SGCD: variants seen among roughly 807,000 people sequenced by gnomAD.
SGCD encodes delta-sarcoglycan.
SGCD carries 18 observed loss-of-function variants against 36.6 expected under a neutral mutation model. The observed-to-expected ratio is 0.49, with a 90% CI of 0.34 to 0.73. The LOEUF (loss-of-function observed/expected upper bound fraction) is 0.73, where lower values mean the gene tolerates loss of function less well. SGCD is among the 30% of genes least tolerant of loss of function. The probability of loss-of-function intolerance (pLI) is 0.01; values close to 1 mark genes in which losing one functional copy is unlikely to be tolerated. For synonymous variants in SGCD, 133 were observed against 130.6 expected, an observed-to-expected ratio of 1.02 and a Z score of -0.12; for missense variants, 387 against 346.7, an observed-to-expected ratio of 1.12 and a Z score of -0.92.
chr5:156,568,448 C>A (rs981702366), intron 4 of SGCD, among the ~76,000 whole-genome samples: 2 of 152,184 alleles, frequency 1.3e-5, no homozygotes, highest in Admixed American at 1.3e-4. Flanking sequence ...TACTCTTCCC[C>A]CCATTGAAAG....
chr5:156,222,527 G>A (rs1377571647), intron 3 of SGCD, among the ~76,000 whole-genome samples: 1 of 152,012 alleles, frequency 6.6e-6, no homozygotes, highest in Non-Finnish European at 1.5e-5. Context: ...TATCTTTGGT[G>A]ACAGAAAATT....
chr5:156,535,631 G>A (rs886140310), intron 4 of SGCD, among the ~76,000 whole-genome samples: 2 of 152,154 alleles, frequency 1.3e-5, no homozygotes, highest in African/African-American at 4.8e-5. Context: ...CTTTCCAGTT[G>A]AAGACAACAT....
At chr5:156,361,839 A>G (rs1056694775) in intron 3 of SGCD, among the ~76,000 whole-genome samples, 2 of 152,236 alleles carry the variant, frequency 1.3e-5, no homozygotes, top group East Asian at 3.8e-4. Flanking sequence ...AAACTAAAAT[A>G]ATTATTGGTT....
intron 1 of SGCD, among the ~76,000 whole-genome samples, chr5:156,011,449 G>GT (rs200104490): frequency 0.044 from 6,385 of 145,276 alleles, 691 homozygotes; most frequent in Admixed American, 0.25. Flanking sequence ...GAATTCTATT[G>GT]TTTTTTTTTT....
At chr5:155,758,154 T>C in the SGCD span, among the ~76,000 whole-genome samples, 3 of 152,136 alleles carry the variant, frequency 2.0e-5, no homozygotes, top group African/African-American at 4.8e-5. Flanking sequence ...GTCTCCTTAG[T>C]AGATACCTTG....
intron 3 of SGCD, among the ~76,000 whole-genome samples, chr5:156,401,176 G>C (rs1483685927): frequency 6.6e-6 from 1 of 152,184 alleles, no homozygotes; most frequent in Non-Finnish European, 1.5e-5. Flanking sequence ...CAGAAATTGA[G>C]ATTCCCAGGA....
At chr5:156,694,526 G>A (rs1754232993) in intron 7 of SGCD, among the ~76,000 whole-genome samples, 1 of 152,106 alleles carries the variant, frequency 6.6e-6, no homozygotes, top group Non-Finnish European at 1.5e-5. Flanking sequence ...AGCAGAAATT[G>A]CACCCACTGT....
chr5:155,833,732 C>A, the SGCD span, among the ~76,000 whole-genome samples: 1 of 152,156 alleles, frequency 6.6e-6, no homozygotes, highest in Non-Finnish European at 1.5e-5. Context: ...CTTTTAGAGA[C>A]CCCCCTCATG....
chr5:156,045,915 T>A (rs112609035), intron 1 of SGCD, among the ~76,000 whole-genome samples: 2 of 152,262 alleles, frequency 1.3e-5, no homozygotes, highest in African/African-American at 4.8e-5. Flanking sequence ...AAACATTTAG[T>A]CTATGACAGG....
At chr5:156,546,999 G>A (rs1475042274) in intron 4 of SGCD, among the ~76,000 whole-genome samples, 1 of 152,052 alleles carries the variant, frequency 6.6e-6, no homozygotes, top group Non-Finnish European at 1.5e-5. Context: ...TTCTTTTATT[G>A]AAAATAATTT....
At chr5:156,657,340 C>T (rs2113617790) in intron 7 of SGCD, among the ~76,000 whole-genome samples, 1 of 151,768 alleles carries the variant, frequency 6.6e-6, no homozygotes, top group Middle Eastern at 3.4e-3. Flanking sequence ...TGGTGTGCTG[C>T]ACCCATTAAC....
intron 1 of SGCD, among the ~76,000 whole-genome samples, chr5:156,091,039 T>A (rs193099531): frequency 1.3e-5 from 2 of 152,148 alleles, no homozygotes; most frequent in African/African-American, 4.8e-5. Flanking sequence ...TGCAAACAAT[T>A]TGTACAGTTA....
At chr5:156,275,544 C>A (rs1355973896) in intron 3 of SGCD, among the ~76,000 whole-genome samples, 1 of 152,074 alleles carries the variant, frequency 6.6e-6, no homozygotes, top group Non-Finnish European at 1.5e-5. Flanking sequence ...TTGCATGTTA[C>A]GATGCATTAA....
chr5:156,009,635 A>C (rs575624981), intron 1 of SGCD, among the ~76,000 whole-genome samples: 1 of 152,326 alleles, frequency 6.6e-6, no homozygotes, highest in East Asian at 1.9e-4. Context: ...TAAAGAAACA[A>C]TCAGGTTATG....
intron 7 of SGCD, chr5:156,704,311 A>G (rs1754653072): frequency 2.0e-5 from 3 of 152,188 alleles, no homozygotes; most frequent in Non-Finnish European, 4.4e-5. Context: ...CAATTCCAAT[A>G]AAAATTCTGG....
At chr5:155,803,825 A>G in the SGCD span, among the ~76,000 whole-genome samples, 4 of 152,138 alleles carry the variant, frequency 2.6e-5, no homozygotes, top group East Asian at 1.9e-4. Flanking sequence ...AGCATAGGGT[A>G]TGCTCTTGGG....
At chr5:156,253,593 A>G (rs1217575735) in intron 3 of SGCD, among the ~76,000 whole-genome samples, 2 of 152,272 alleles carry the variant, frequency 1.3e-5, no homozygotes, top group Admixed American at 6.5e-5. Context: ...ATAACTTCCC[A>G]TCTTCCAAAA....
intron 3 of SGCD, among the ~76,000 whole-genome samples, chr5:156,293,099 G>T (rs1391172437): frequency 6.6e-6 from 1 of 151,588 alleles, no homozygotes; most frequent in Non-Finnish European, 1.5e-5. Context: ...TTTTTATGTT[G>T]CATAGGCTGA....
the SGCD span, among the ~76,000 whole-genome samples, chr5:155,748,194 G>T: frequency 6.6e-6 from 1 of 151,086 alleles, no homozygotes; most frequent in African/African-American, 2.4e-5. Flanking sequence ...CAAACCACTA[G>T]ACTGTGTTAC....
Sources: allele counts gnomAD v4.1 joint callset (sites outside exome capture counted in the v4.1 genomes callset), GRCh38; gene constraint gnomAD v4.1.1; transcripts MANE v1.5; gene names NCBI Gene and HGNC (gene_info 2026-07-23, HGNC 2026-07-21).